USP34: variants seen among roughly 807,000 people sequenced by gnomAD.
USP34 encodes ubiquitin specific peptidase 34, also known as ubiquitin carboxyl-terminal hydrolase 34.
Under a neutral mutation model 460.3 loss-of-function variants are expected in USP34, and 70 were observed. The ratio of observed to expected loss-of-function variants is 0.15; its 90% confidence interval spans 0.13 to 0.19. The LOEUF (loss-of-function observed/expected upper bound fraction) is 0.19. Among genes scored for constraint, USP34 ranks in the 10% least tolerant of loss-of-function variants. The pLI is 1.00. For synonymous variants in USP34, 1,647 were observed against 1,405.3 expected (o/e 1.17, Z -3.85); for missense variants, 3,985 against 4,236.2 (o/e 0.94, Z 1.65).
At chr2:61,254,371 T>C (rs1266424008) in intron 48 of USP34, among the ~76,000 whole-genome samples, 2 of 152,232 alleles carry the variant, frequency 1.3e-5, no homozygotes, top group Non-Finnish European at 2.9e-5. Context: ...GATATTCTGA[T>C]AGATTCAATC....
Position 61,235,883 on chromosome 2 carries a change from A to G in USP34, c.6994T>C (p.Leu2332=). 1 of 1,613,914 alleles carries G rather than the reference A, an allele frequency of 6.2e-7. No individual in the cohort carries two copies. The highest frequency in any genetic ancestry group is 8.5e-7 in the Non-Finnish European group (1 of 1,179,946). ...KPTMLQWIEL[L]TKQFNNSQAA... is the part of the protein sequence containing the mutation. ...TGACTATTATTAAACTGTTTCGTCA[A>G]CAGTTCAATCCACTGAAGCATCGTG... The change falls in exon 57 of 80, where the codon TTG becomes CTG. Residue 2332 remains leucine, a synonymous_variant. Coordinates refer to ENST00000398571, the MANE Select transcript of USP34 (RefSeq NM_014709.4).
chr2:61,202,644 TCTCA>T (rs1445105332), intron 75 of USP34, among the ~76,000 whole-genome samples: 3 of 152,166 alleles, frequency 2.0e-5, no homozygotes, highest in South Asian at 4.1e-4. Flanking sequence ...TTTCTCTTCT[TCTCA>T]CTCACCTATT....
At chr2:61,369,932 A>G (rs551133297) in intron 10 of USP34, among the ~76,000 whole-genome samples, 358 of 148,148 alleles carry the variant, frequency 2.4e-3, no homozygotes, top group African/African-American at 8.2e-3. Context: ...CATGTAATAT[A>G]TTTTTTATAT....
chr2:61,236,904 T>C (rs925706914), intron 53 of USP34, among the ~76,000 whole-genome samples: 3 of 152,234 alleles, frequency 2.0e-5, no homozygotes, highest in Non-Finnish European at 4.4e-5. Context: ...TTGTCAGTTC[T>C]ATAAAACTAT....
chr2:61,360,247 A>T (rs941444805), intron 10 of USP34, among the ~76,000 whole-genome samples: 1 of 152,204 alleles, frequency 6.6e-6, no homozygotes, highest in African/African-American at 2.4e-5. Context: ...AGAAAACAGG[A>T]AAGAAAAATT....
chr2:61,272,595 C>T (rs1689249777), intron 41 of USP34, among the ~76,000 whole-genome samples: 1 of 152,134 alleles, frequency 6.6e-6, no homozygotes, highest in African/African-American at 2.4e-5. Context: ...TTGACTCATA[C>T]ATTTGCCCTT....
chr2:61,460,318 C>G (rs983147217), intron 1 of USP34, among the ~76,000 whole-genome samples: 1 of 152,122 alleles, frequency 6.6e-6, no homozygotes, highest in Non-Finnish European at 1.5e-5. Flanking sequence ...TGTGAATCAT[C>G]CTTTTGTCCA....
At chr2:61,211,518 C>A (rs1416023555) in intron 69 of USP34, among the ~76,000 whole-genome samples, 1 of 152,146 alleles carries the variant, frequency 6.6e-6, no homozygotes, top group East Asian at 1.9e-4. Context: ...TTGCCATAAA[C>A]AAGACTATTC....
At chr2:61,373,068 G>C (rs990338982) in intron 8 of USP34, among the ~76,000 whole-genome samples, 5 of 152,156 alleles carry the variant, frequency 3.3e-5, no homozygotes, top group African/African-American at 1.2e-4. Context: ...ATGGAGCTAC[G>C]TAGGAGCCAT....
rs371567434 is a variant in USP34 at position 61,283,469 on chromosome 2, C to G, written c.4833-20G>C. ...AAAACTCTGTAAAGTAAAAACACCA[C>G]CACCACCAATTAAATTCAGCAATGA... is the stretch of plus-strand genomic sequence containing the variant. On this transcript the variant is annotated intron_variant, in intron 35 of 79. Transcript: ENST00000398571. 2 of 1,601,518 alleles carry G rather than the reference C, an allele frequency of 1.2e-6. No homozygotes were observed. Among genetic ancestry groups the G allele is most frequent in the Non-Finnish European group, 1.7e-6 (2 of 1,175,494 alleles).
chr2:61,429,000 A>G (rs2103992608), intron 1 of USP34, among the ~76,000 whole-genome samples: 1 of 152,322 alleles, frequency 6.6e-6, no homozygotes, highest in Middle Eastern at 3.4e-3. Context: ...CCAAATTTCC[A>G]TTAGAGTGGA....
intron 1 of USP34, among the ~76,000 whole-genome samples, chr2:61,455,735 A>C (rs1349073471): frequency 1.3e-5 from 2 of 152,216 alleles, no homozygotes; most frequent in Non-Finnish European, 2.9e-5. Flanking sequence ...CACAAAATTT[A>C]CCATTTTTAT....
chr2:61,345,323 A>G (rs997600801), intron 15 of USP34, among the ~76,000 whole-genome samples: 7 of 152,354 alleles, frequency 4.6e-5, no homozygotes, highest in Non-Finnish European at 5.9e-5. Flanking sequence ...CAATCTTGAA[A>G]AACACTTCCT....
Position 61,366,006 on chromosome 2 carries a change from C to T in USP34, c.1251+4315G>A, listed in dbSNP as rs538677221. On this transcript the variant is annotated intron_variant, in intron 10 of 79. Coordinates refer to ENST00000398571, the MANE Select transcript of USP34 (RefSeq NM_014709.4). ...TCACTCTGCTGCCCAGGCTGGGGTACAATGGCGTGATCTCAGCTTACTACA... is the reference window on the plus strand; with the variant it reads ...TCACTCTGCTGCCCAGGCTGGGGTATAATGGCGTGATCTCAGCTTACTACA... Among the ~76,000 whole-genome samples the T allele has an allele frequency of 6.0e-4, 92 of 152,134 alleles. 1 individual carries two copies. The South Asian group carries it at 0.017, about 28-fold the overall frequency.
At chr2:61,450,617 A>T (rs746472655) in intron 1 of USP34, among the ~76,000 whole-genome samples, 4 of 152,056 alleles carry the variant, frequency 2.6e-5, no homozygotes, top group Non-Finnish European at 5.9e-5. Context: ...CCAAATAAAT[A>T]ATAAAGTAAA....
chr2:61,289,546 CA>C (rs1350789282), intron 33 of USP34, among the ~76,000 whole-genome samples: 1 of 152,028 alleles, frequency 6.6e-6, no homozygotes, highest in African/African-American at 2.4e-5. Flanking sequence ...GCTTTTTCTT[CA>C]AAAGTTCTTA....
At chr2:61,329,519 AAAT>A (rs1471530434) in intron 20 of USP34, among the ~76,000 whole-genome samples, 1 of 152,192 alleles carries the variant, frequency 6.6e-6, no homozygotes. Context: ...CAGTAAATAG[AAAT>A]ACCCCAGAAA....
chr2:61,440,097 C>T (rs1305245786), intron 1 of USP34, among the ~76,000 whole-genome samples: 1 of 152,088 alleles, frequency 6.6e-6, no homozygotes, highest in Non-Finnish European at 1.5e-5. Flanking sequence ...GAGGCACCTG[C>T]CTGAGTGCTA....
intron 27 of USP34, 137 bp downstream of exon 27, chr2:61,311,403 A>G (rs900666812): frequency 2.1e-6 from 2 of 950,192 alleles, no homozygotes; most frequent in South Asian, 2.0e-5. Context: ...AGACAAACCA[A>G]GACAGTTGCT....
Sources: allele counts gnomAD v4.1 joint callset (sites outside exome capture counted in the v4.1 genomes callset), GRCh38; gene constraint gnomAD v4.1.1; transcripts MANE v1.5; gene names NCBI Gene and HGNC (gene_info 2026-07-23, HGNC 2026-07-21).